NFIB: variants seen among roughly 807,000 people sequenced by gnomAD.
The protein encoded by NFIB is nuclear factor 1 B-type.
In NFIB, 11 loss-of-function variants were observed where a neutral mutation model predicts 61.5. That is an observed-to-expected ratio of 0.18 (90% confidence interval 0.11 to 0.30). NFIB has a LOEUF of 0.30. Ranked by LOEUF, NFIB falls within the 10% of genes least tolerant of loss-of-function variation. NFIB has a pLI of 1.00. For missense variants in NFIB, 471 were observed against 608.9 expected, an observed-to-expected ratio of 0.77 and a Z score of 2.38; for synonymous variants, 260 against 216.5, an observed-to-expected ratio of 1.20 and a Z score of -1.76.
At chr9:14,232,650 G>A (rs961779114) in intron 2 of NFIB, among the ~76,000 whole-genome samples, 1 of 152,162 alleles carries the variant, frequency 6.6e-6, no homozygotes, top group African/African-American at 2.4e-5. Context: ...CAGCGTCAGT[G>A]TTAAATTCTT....
At chr9:14,356,173 G>C (rs1035247916) in intron 1 of NFIB, among the ~76,000 whole-genome samples, 1 of 152,088 alleles carries the variant, frequency 6.6e-6, no homozygotes, top group Non-Finnish European at 1.5e-5. Flanking sequence ...ACACTAGTAC[G>C]CACTTTTTGT....
At chr9:14,181,245 T>C (rs996746982) in intron 2 of NFIB, among the ~76,000 whole-genome samples, 4 of 152,218 alleles carry the variant, frequency 2.6e-5, no homozygotes, top group African/African-American at 9.7e-5. Flanking sequence ...TCCTTAATTG[T>C]CTTTTTGGTT....
chr9:14,398,885 C>A, exon 1 of NFIB: 1 of 368,402 alleles, frequency 2.7e-6, no homozygotes, highest in Non-Finnish European at 4.8e-6. Context: ...AGTCTTGCTC[C>A]GACATGTGAA....
At chr9:14,503,140 A>G in the NFIB span, among the ~76,000 whole-genome samples, 58,214 of 145,066 alleles carry the variant, frequency 0.4, 11,796 homozygotes, top group East Asian at 0.64. Flanking sequence ...GTGTGTGTGT[A>G]TATATATAAA....
At chr9:14,237,131 A>G (rs2053821509) in intron 2 of NFIB, among the ~76,000 whole-genome samples, 1 of 152,226 alleles carries the variant, frequency 6.6e-6, no homozygotes, top group Non-Finnish European at 1.5e-5. Context: ...GCATAAACAT[A>G]AACAATTGAA....
chr9:14,439,458 C>T, the NFIB span, among the ~76,000 whole-genome samples: 1 of 152,190 alleles, frequency 6.6e-6, no homozygotes, highest in African/African-American at 2.4e-5. Context: ...AATAATAATA[C>T]CTGCGTTATA....
the NFIB span, among the ~76,000 whole-genome samples, chr9:14,453,793 AC>A: frequency 6.6e-6 from 1 of 152,190 alleles, no homozygotes; most frequent in African/African-American, 2.4e-5. Context: ...AAAAGAAAAT[AC>A]AATATAGGCT....
the NFIB span, among the ~76,000 whole-genome samples, chr9:14,451,044 C>A: frequency 6.6e-6 from 1 of 152,182 alleles, no homozygotes; most frequent in Non-Finnish European, 1.5e-5. Context: ...GGATTTTGGT[C>A]CAGGTGCTGG....
At position 14,307,624 on chromosome 9, in the gene NFIB, A is replaced by C; in HGVS notation, c.31-104T>G. On this transcript the variant is annotated intron_variant, in intron 1 of 10. Coordinates refer to ENST00000380953, the MANE Select transcript of NFIB (RefSeq NM_001190737.2). The surrounding 1 kb of genome is among the most constrained non-coding windows in gnomAD (Gnocchi z 5.3). ...CCACAACCCGTTTCCAATTCAGTAC[A>C]AAAAGTTATACATGAAAATAACATT... is the stretch of plus-strand genomic sequence containing the variant. The C allele has an allele frequency of 9.3e-7, 1 of 1,074,466 alleles. No homozygotes were observed. The highest frequency in any genetic ancestry group is 2.0e-5 in the South Asian group (1 of 49,120). The allele number at this position is 1,074,466 out of a possible 1,614,324, so 66.6% of individuals were successfully genotyped here. A position where few individuals can be genotyped will look rare whatever the true frequency, so the allele number is the denominator to read the frequency against.
At chr9:14,172,269 C>A (rs776137242) in intron 3 of NFIB, among the ~76,000 whole-genome samples, 12 of 151,856 alleles carry the variant, frequency 7.9e-5, no homozygotes, top group Non-Finnish European at 1.5e-4. Flanking sequence ...AGGGGTTTGT[C>A]CAAATGAGGA....
In NFIB at chr9:14,176,040, T is replaced by C. The variant is rs2046152727; in HGVS notation, c.616+3687A>G. Among the ~76,000 whole-genome samples, 5 of 152,200 alleles carry C rather than the reference T, an allele frequency of 3.3e-5. 1 individual carries two copies. The Middle Eastern group carries it at 0.017, about 518-fold the overall frequency. The stretch of plus-strand genomic sequence containing the variant: ...GTCCAAAGAATGTAGACACACAAAA[T>C]AATAAAGCAAGTCAAAGCTAATTTC... On this transcript the variant is annotated intron_variant, in intron 3 of 10. Coordinates refer to ENST00000380953, the MANE Select transcript of NFIB (RefSeq NM_001190737.2).
At chr9:14,093,764 C>T (rs951706243) in intron 10 of NFIB, among the ~76,000 whole-genome samples, 1 of 152,016 alleles carries the variant, frequency 6.6e-6, no homozygotes, top group Non-Finnish European at 1.5e-5. Context: ...CTGGGTTGTA[C>T]ATGGGTGCAT....
At position 14,306,000 on chromosome 9, in the gene NFIB, G is replaced by A. The variant is rs1183458539; in HGVS notation, c.562+989C>T. The A allele has an allele frequency of 3.1e-6, 4 of 1,290,618 alleles. No individual in the cohort carries two copies. In the South Asian group the frequency reaches 5.5e-5, roughly 18 times the overall value. The allele number at this position is 1,290,618 out of a possible 1,614,324, so 79.9% of individuals were successfully genotyped here. On this transcript the variant is annotated intron_variant, in intron 2 of 10. Coordinates refer to ENST00000380953, the MANE Select transcript of NFIB (RefSeq NM_001190737.2). Reference sequence around the variant, plus strand: ...CATCTATATCTTGATGCATTTATTTGAAGAAAAGAAATTCTTACCTACTTA... The same window carrying A: ...CATCTATATCTTGATGCATTTATTTAAAGAAAAGAAATTCTTACCTACTTA...
At chr9:14,260,987 A>C (rs1214429278) in intron 2 of NFIB, among the ~76,000 whole-genome samples, 1 of 32,832 alleles carries the variant, frequency 3.0e-5, no homozygotes, top group Non-Finnish European at 9.5e-5. Flanking sequence ...GAATCCAGGA[A>C]AGGAGGAGGG....
At chr9:14,096,554 C>T (rs1044126718) in intron 10 of NFIB, 6 of 152,144 alleles carry the variant, frequency 3.9e-5, no homozygotes, top group Non-Finnish European at 7.4e-5. Flanking sequence ...TAACTTAAAG[C>T]TCCAAACATA....
chr9:14,459,136 T>C, the NFIB span, among the ~76,000 whole-genome samples: 3 of 150,670 alleles, frequency 2.0e-5, no homozygotes, highest in Non-Finnish European at 3.0e-5. Context: ...GTTACAGTAA[T>C]CAAAACAGCA....
intron 2 of NFIB, among the ~76,000 whole-genome samples, chr9:14,306,776 C>T (rs1044737824): frequency 4.6e-5 from 7 of 152,110 alleles, no homozygotes; most frequent in Non-Finnish European, 7.4e-5. Context: ...TCTTAAATAT[C>T]CAAGCCTATC....
At chr9:14,173,851 T>C (rs867823357) in intron 3 of NFIB, among the ~76,000 whole-genome samples, 16 of 152,222 alleles carry the variant, frequency 1.1e-4, no homozygotes, top group Admixed American at 3.9e-4. Context: ...TCCCCTTTTT[T>C]TGACTCTTTC....
intron 6 of NFIB, among the ~76,000 whole-genome samples, chr9:14,140,955 G>C (rs1476377006): frequency 1.3e-5 from 2 of 152,082 alleles, no homozygotes; most frequent in African/African-American, 4.8e-5. Flanking sequence ...TCTGATTCTG[G>C]TTCTGTCAGC....
Sources: allele counts gnomAD v4.1 joint callset (sites outside exome capture counted in the v4.1 genomes callset), GRCh38; gene constraint gnomAD v4.1.1; non-coding constraint Gnocchi (gnomAD v3.1); transcripts MANE v1.5; gene names NCBI Gene and HGNC (gene_info 2026-07-23, HGNC 2026-07-21).